MYO9A: variants seen among roughly 807,000 people sequenced by gnomAD.
MYO9A encodes the protein unconventional myosin-IXa.
In MYO9A, 103 loss-of-function variants were observed where a neutral mutation model predicts 293.3. The ratio of observed to expected loss-of-function variants is 0.35; its 90% CI spans 0.30 to 0.41. The LOEUF (loss-of-function observed/expected upper bound fraction) is 0.41. Ranked by LOEUF, MYO9A falls within the 10% of genes least tolerant of loss-of-function variation. The pLI is 1.00. For synonymous variants in MYO9A, 1,001 were observed against 1,035.7 expected (o/e 0.97, Z 0.64); for missense variants, 2,685 against 3,033.0 (o/e 0.89, Z 2.69).
At chr15:71,942,169 C>G (rs1348477818) in intron 15 of MYO9A, among the ~76,000 whole-genome samples, 1 of 151,990 alleles carries the variant, frequency 6.6e-6, no homozygotes, top group East Asian at 1.9e-4. Context: ...TGTATGAATA[C>G]ATGCATAACT....
intron 11 of MYO9A, among the ~76,000 whole-genome samples, chr15:71,980,213 A>C (rs1010034275): frequency 1.3e-5 from 2 of 152,110 alleles, no homozygotes; most frequent in South Asian, 2.1e-4. Flanking sequence ...GACCATTTCC[A>C]CACAAAACTT....
chr15:72,077,652 C>T (rs566790332), intron 1 of MYO9A, among the ~76,000 whole-genome samples: 29 of 144,786 alleles, frequency 2.0e-4, no homozygotes, highest in African/African-American at 7.2e-4. Flanking sequence ...TGGCGGGGGG[C>T]GGCGCGGGCA....
At chr15:71,950,664 T>C (rs1316423600) in intron 15 of MYO9A, among the ~76,000 whole-genome samples, 1 of 152,192 alleles carries the variant, frequency 6.6e-6, no homozygotes, top group African/African-American at 2.4e-5. Flanking sequence ...TTAAATACTG[T>C]TTTTCAAAAC....
rs118112252 is a variant in MYO9A, at chr15:71,974,767, G to A, written c.1844+3404C>T. Among the ~76,000 whole-genome samples, 647 of 152,260 alleles carry A rather than the reference G, an allele frequency of 4.2e-3. 4 individuals are homozygous for A. The highest frequency in any genetic ancestry group is 6.8e-3 in the Middle Eastern group (2 of 294). On this transcript the variant is annotated intron_variant, in intron 12 of 41. Transcript: ENST00000356056. ...GCCATAAAAACAGCTCACTAGTTCT[G>A]CACCCATGTAATTTACCCTATCTAA...
At chr15:72,004,231 A>G (rs1239510844) in intron 8 of MYO9A, among the ~76,000 whole-genome samples, 1 of 152,210 alleles carries the variant, frequency 6.6e-6, no homozygotes, top group African/African-American at 2.4e-5. Context: ...AGCTTCTCAT[A>G]TTTACCTAAT....
intron 18 of MYO9A, 50 bp from the exon 19 acceptor site, chr15:71,916,542 A>T: frequency 1.9e-6 from 3 of 1,562,592 alleles, no homozygotes; most frequent in Non-Finnish European, 2.6e-6. Flanking sequence ...TCTAACAATA[A>T]GCCAAAATTC....
chr15:72,013,596 A>G (rs1412829047), intron 6 of MYO9A, among the ~76,000 whole-genome samples: 1 of 152,236 alleles, frequency 6.6e-6, no homozygotes, highest in African/African-American at 2.4e-5. Flanking sequence ...CCCCACAAAC[A>G]TACCCACCAA....
chr15:72,007,993 T>C (rs1162523255), intron 7 of MYO9A, 41 bp from the exon 8 acceptor site: 3 of 1,575,784 alleles, frequency 1.9e-6, no homozygotes, highest in South Asian at 2.4e-5. Context: ...GTTGTGTCCA[T>C]TCCCAAAGCT....
At chr15:72,032,717 C>T (rs1253852900) in intron 2 of MYO9A, 129 bp from the exon 3 acceptor site, 2 of 525,500 alleles carry the variant, frequency 3.8e-6, no homozygotes, top group East Asian at 6.5e-5. Flanking sequence ...AGACAATTTG[C>T]TTGTATGTTC....
chr15:71,839,406 T>TTTC (rs1567184090), intron 39 of MYO9A, among the ~76,000 whole-genome samples: 3 of 151,914 alleles, frequency 2.0e-5, no homozygotes, highest in East Asian at 3.9e-4. Context: ...CAGGTTTTTT[T>TTTC]TTTCTTTCTT....
intron 9 of MYO9A, among the ~76,000 whole-genome samples, chr15:71,995,561 C>CAA (rs759642698): frequency 2.3e-5 from 2 of 85,332 alleles, no homozygotes; most frequent in Non-Finnish European, 2.6e-5. Flanking sequence ...CATAAATTTA[C>CAA]AAAAAAAAAA....
At chr15:72,025,781 A>G (rs1216326526) in intron 4 of MYO9A, among the ~76,000 whole-genome samples, 1 of 152,232 alleles carries the variant, frequency 6.6e-6, no homozygotes, top group Non-Finnish European at 1.5e-5. Flanking sequence ...GAGGACTTCA[A>G]AATTACTATA....
At chr15:71,852,042 C>A in intron 36 of MYO9A, 90 bp downstream of exon 36, 1 of 1,360,022 alleles carries the variant, frequency 7.4e-7, no homozygotes, top group Non-Finnish European at 9.9e-7. Context: ...AGAATTAAAC[C>A]ACTAGAGGAT....
chr15:71,852,264 T>A lies in MYO9A; in HGVS notation c.6347-4A>T, dbSNP rs745956691. 3.7e-6 allele frequency: 6 copies of A among 1,601,484 alleles called. No homozygotes were observed. The highest frequency in any genetic ancestry group is 5.1e-6 in the Non-Finnish European group (6 of 1,170,996). On this transcript the variant is annotated splice_region_variant and splice_polypyrimidine_tract_variant and intron_variant, in intron 35 of 41. Coordinates refer to ENST00000356056, the MANE Select transcript of MYO9A (RefSeq NM_006901.4). The stretch of plus-strand genomic sequence containing the variant: ...TCTAGATTTACACTCTCAGCATCTA[T>A]TTAGAGACAAGAGTTAGATTAACAG...
intron 2 of MYO9A, chr15:72,040,025 A>G (rs2078178183): frequency 6.0e-6 from 1 of 167,238 alleles, no homozygotes; most frequent in South Asian, 1.8e-4. Flanking sequence ...TCTCTCCATC[A>G]CCCTAGGCTT....
intron 15 of MYO9A, among the ~76,000 whole-genome samples, chr15:71,947,123 A>G (rs1161633071): frequency 1.3e-5 from 2 of 152,074 alleles, no homozygotes; most frequent in Non-Finnish European, 2.9e-5. Context: ...TCTCTAAAAT[A>G]TGAAACAAAA....
chr15:72,064,943 C>T (rs2078975999), intron 1 of MYO9A, among the ~76,000 whole-genome samples: 1 of 152,070 alleles, frequency 6.6e-6, no homozygotes, highest in African/African-American at 2.4e-5. Context: ...ACTTATACTA[C>T]CAAATATCAA....
intron 2 of MYO9A, among the ~76,000 whole-genome samples, 168 bp downstream of exon 2, chr15:72,045,556 G>T (rs1316745661): frequency 1.3e-5 from 2 of 152,122 alleles, no homozygotes; most frequent in African/African-American, 2.4e-5. Context: ...ATGAGCCATT[G>T]CGCCCAGCCC....
At chr15:72,099,549 C>G (rs1307353529) in intron 1 of MYO9A, among the ~76,000 whole-genome samples, 1 of 151,700 alleles carries the variant, frequency 6.6e-6, no homozygotes, top group African/African-American at 2.4e-5. Context: ...CTGCAGCCAG[C>G]CGTGGTCACA....
Sources: gnomAD v4.1 joint callset for allele counts (sites outside exome capture counted in the v4.1 genomes callset) on GRCh38, gnomAD v4.1.1 for gene constraint, MANE v1.5 for transcripts, NCBI Gene and HGNC (gene_info 2026-07-23, HGNC 2026-07-21) for gene names.